Variants in UBR3 observed in about 807,000 individuals in gnomAD.
UBR3 encodes ubiquitin protein ligase E3 component n-recognin 3.
In UBR3, 85 loss-of-function variants were observed where a neutral mutation model predicts 243.2. The ratio of observed to expected loss-of-function variants is 0.35; its 90% CI spans 0.29 to 0.42. The LOEUF is 0.42. Among genes scored for constraint, UBR3 ranks in the 10% least tolerant of loss-of-function variants. The pLI, the probability that UBR3 is intolerant of heterozygous loss-of-function variation, is 1.00. For missense variants in UBR3, 1,686 were observed against 2,300.8 expected, an observed-to-expected ratio of 0.73 and a Z score of 5.47; for synonymous variants, 748 against 799.8, an observed-to-expected ratio of 0.94 and a Z score of 1.09.
At chr2:169,986,962 T>A (rs981233981) in intron 25 of UBR3, among the ~76,000 whole-genome samples, 168 bp downstream of exon 25, 2 of 152,214 alleles carry the variant, frequency 1.3e-5, no homozygotes, top group Non-Finnish European at 2.9e-5. Flanking sequence ...TATCTTATTT[T>A]CCTGGACATG....
chr2:169,895,451 C>T, intron 7 of UBR3, 140 bp downstream of exon 7: 2 of 959,666 alleles, frequency 2.1e-6, no homozygotes, highest in Non-Finnish European at 3.0e-6. Flanking sequence ...CTTGATAACA[C>T]AAGTTCTTCA....
chr2:170,066,966 A>AAATAATAAT (rs6147024), intron 35 of UBR3, among the ~76,000 whole-genome samples: 22,599 of 102,432 alleles, frequency 0.22, 2,083 homozygotes, highest in South Asian at 0.42. Context: ...TCCGTCTCTA[A>AAATAATAAT]AATAATAATA....
chr2:169,884,112 C>T (rs2083998493), intron 5 of UBR3, among the ~76,000 whole-genome samples: 1 of 150,562 alleles, frequency 6.6e-6, no homozygotes, highest in Non-Finnish European at 1.5e-5. Flanking sequence ...GGATTAGAGG[C>T]GTGAGCCACC....
intron 30 of UBR3, among the ~76,000 whole-genome samples, chr2:170,026,448 A>G (rs189986527): frequency 3.3e-5 from 5 of 152,236 alleles, no homozygotes; most frequent in African/African-American, 1.2e-4. Context: ...GATTATAACT[A>G]TTATTACTAT....
chr2:169,913,954 A>C (rs1272075634), intron 10 of UBR3, 106 bp from the exon 11 acceptor site: 1 of 437,696 alleles, frequency 2.3e-6, no homozygotes, highest in Non-Finnish European at 3.6e-6. Flanking sequence ...AAATCTATAC[A>C]TTTTACCATT....
chr2:169,972,135 C>T (rs1262072075), intron 24 of UBR3, among the ~76,000 whole-genome samples: 3 of 152,186 alleles, frequency 2.0e-5, no homozygotes, highest in Admixed American at 1.3e-4. Flanking sequence ...ATACTAAACA[C>T]CTCTAAGCAA....
At chr2:169,872,935 T>A (rs1362571690) in intron 2 of UBR3, among the ~76,000 whole-genome samples, 1 of 152,158 alleles carries the variant, frequency 6.6e-6, no homozygotes, top group African/African-American at 2.4e-5. Flanking sequence ...TAAGATTTAA[T>A]CACAATCTTG....
chr2:169,936,208 C>T (rs768373652), intron 19 of UBR3, among the ~76,000 whole-genome samples: 6 of 152,020 alleles, frequency 3.9e-5, no homozygotes, highest in African/African-American at 9.6e-5. Context: ...TACAGGCATG[C>T]GCTACCATGC....
intron 31 of UBR3, among the ~76,000 whole-genome samples, chr2:170,031,348 G>A (rs970650839): frequency 6.6e-6 from 1 of 152,018 alleles, no homozygotes; most frequent in Non-Finnish European, 1.5e-5. Context: ...TTTACTTCAT[G>A]TATGATTTTT....
At chr2:169,963,504 T>C (rs2087672457) in intron 24 of UBR3, among the ~76,000 whole-genome samples, 1 of 152,158 alleles carries the variant, frequency 6.6e-6, no homozygotes, top group African/African-American at 2.4e-5. Flanking sequence ...TTTTTTTCTA[T>C]CTTTATTTCA....
intron 13 of UBR3, among the ~76,000 whole-genome samples, chr2:169,925,118 A>G (rs917109640): frequency 8.5e-5 from 13 of 152,254 alleles, no homozygotes; most frequent in African/African-American, 2.9e-4. Context: ...ATGTAGTGAG[A>G]ACATTTATTC....
intron 1 of UBR3, among the ~76,000 whole-genome samples, chr2:169,840,178 G>C (rs2082244490): frequency 6.6e-6 from 1 of 152,128 alleles, no homozygotes; most frequent in Non-Finnish European, 1.5e-5. Context: ...TGCTTATTAA[G>C]GCCCACTGTT....
rs182325830 is a variant in UBR3, at chr2:170,068,971, T to A, written c.5020-4457T>A. Reference sequence around the variant, plus strand: ...AGAATTAATTTAGTTATCAAACTTATATAATTGTTATGCATCCAGAAAAGA... The same window carrying A: ...AGAATTAATTTAGTTATCAAACTTAAATAATTGTTATGCATCCAGAAAAGA... On this transcript the variant is annotated intron_variant, in intron 35 of 38. Transcript: ENST00000272793. 5.9e-5 allele frequency among the ~76,000 whole-genome samples: 9 copies of A among 152,214 alleles called. No individual in the cohort carries two copies. The South Asian group carries it at 8.3e-4, about 14-fold the overall frequency.
intron 1 of UBR3, among the ~76,000 whole-genome samples, chr2:169,845,515 C>T (rs1264769120): frequency 5.5e-5 from 8 of 146,786 alleles, no homozygotes; most frequent in African/African-American, 7.6e-5. Flanking sequence ...TCGTCGTCGT[C>T]GTCGTCGTCG....
chr2:169,917,812 C>T (rs1351321049), intron 11 of UBR3, among the ~76,000 whole-genome samples: 2 of 152,172 alleles, frequency 1.3e-5, no homozygotes, highest in African/African-American at 2.4e-5. Context: ...AAGCGATTCT[C>T]CTGCCTCAGT....
chr2:170,045,892 A>ATT (rs1460063058), intron 32 of UBR3, among the ~76,000 whole-genome samples: 2 of 152,204 alleles, frequency 1.3e-5, no homozygotes, highest in East Asian at 3.8e-4. Context: ...AACACAATTA[A>ATT]AAATGAACAG....
intron 5 of UBR3, among the ~76,000 whole-genome samples, chr2:169,884,388 G>A (rs147127312): frequency 1.6e-4 from 25 of 152,062 alleles, no homozygotes; most frequent in African/African-American, 5.1e-4. Context: ...TCCTGACCTC[G>A]TAATCTGCCC....
chr2:169,890,557 A>ATATGTGTGTGTATATATATATG (rs1559064107), intron 5 of UBR3, among the ~76,000 whole-genome samples: 1 of 93,968 alleles, frequency 1.1e-5, no homozygotes, highest in African/African-American at 4.7e-5. Flanking sequence ...ATATATATAT[A>ATATGTGTGTGTATATATATATG]TATATATGTG....
At chr2:170,070,244 G>T (rs910588036) in intron 35 of UBR3, among the ~76,000 whole-genome samples, 4 of 151,990 alleles carry the variant, frequency 2.6e-5, no homozygotes, top group African/African-American at 7.3e-5. Flanking sequence ...ATAAATGGGG[G>T]GGAAACCATA....
Sources: gnomAD v4.1 joint callset for allele counts (sites outside exome capture counted in the v4.1 genomes callset) on GRCh38, gnomAD v4.1.1 for gene constraint, MANE v1.5 for transcripts, NCBI Gene and HGNC (gene_info 2026-07-23, HGNC 2026-07-21) for gene names.